MYH15: variants seen among roughly 807,000 people sequenced by gnomAD.
The protein encoded by MYH15 is myosin-15.
In MYH15, 227 loss-of-function variants were observed where a neutral mutation model predicts 240.5. The ratio of observed to expected loss-of-function variants is 0.94; its 90% CI spans 0.85 to 1.05. MYH15 has a LOEUF of 1.05. MYH15 is among the 50% of genes least tolerant of loss of function. The pLI is 0.00. For synonymous variants in MYH15, 785 were observed against 796.7 expected, an observed-to-expected ratio of 0.99 and a Z score of 0.25; for missense variants, 2,217 against 2,247.5, an observed-to-expected ratio of 0.99 and a Z score of 0.27.
At chr3:108,526,773 T>C (rs1371266780) in intron 1 of MYH15, among the ~76,000 whole-genome samples, 2 of 152,200 alleles carry the variant, frequency 1.3e-5, no homozygotes, top group East Asian at 1.9e-4. Flanking sequence ...ATCTGATCGA[T>C]GTTGCAAGCC....
In MYH15 at chr3:108,470,750, G is replaced by A. The variant is rs764834314; in HGVS notation, c.1331C>T (p.Ser444Leu). ...AAGAATGCCAATGAAGAACTGCCTTGACAGCTTGGCATCCAGGGCCCTGTT... is the reference window on the plus strand; with the variant it reads ...AAGAATGCCAATGAAGAACTGCCTTAACAGCTTGGCATCCAGGGCCCTGTT... ...RINRALDAKL[S>L]RQFFIGILDI... is the part of the protein sequence containing the mutation. Residue 444 changes from serine (S) to leucine (L), a missense_variant, in exon 13 of 41, where the codon TCA becomes TTA. Physicochemically the swap from Ser to Leu is moderately radical, Grantham distance 145. Transcript: ENST00000693548. 4.3e-6 allele frequency: 7 copies of A among 1,613,786 alleles called. No homozygotes were observed. The South Asian group carries it at 7.7e-5, about 18-fold the overall frequency.
chr3:108,504,654 T>C (rs2083461276), intron 2 of MYH15, among the ~76,000 whole-genome samples: 1 of 152,166 alleles, frequency 6.6e-6, no homozygotes, highest in Non-Finnish European at 1.5e-5. Context: ...GAATCATCTG[T>C]AAAATCTATA....
intron 26 of MYH15, among the ~76,000 whole-genome samples, chr3:108,429,424 G>A (rs2082757545): frequency 6.6e-6 from 1 of 152,108 alleles, no homozygotes; most frequent in Non-Finnish European, 1.5e-5. Flanking sequence ...GAGATTTCAA[G>A]GAAGAGATTT....
At chr3:108,499,527 T>G (rs1301615299) in intron 4 of MYH15, 45 bp from the exon 5 acceptor site, 1 of 1,582,292 alleles carries the variant, frequency 6.3e-7, no homozygotes, top group Non-Finnish European at 8.7e-7. Flanking sequence ...TATTCGATAT[T>G]TATGTATTAG....
chr3:108,476,524 C>T lies in MYH15; in HGVS notation c.1115-9G>A, dbSNP rs1325295062. The T allele has an allele frequency of 6.5e-6, 10 of 1,547,436 alleles. No individual in the cohort carries two copies. The highest frequency in any genetic ancestry group is 8.0e-6 in the Non-Finnish European group (9 of 1,119,842). ...AGCAGCTTTGTCAGCATCTGGTCAT[C>T]AGAAATAGAAGAAAAGGAAGGAGAG... On this transcript the variant is annotated splice_polypyrimidine_tract_variant and intron_variant, in intron 11 of 40. Coordinates refer to ENST00000693548, the MANE Select transcript of MYH15 (RefSeq NM_014981.3).
At chr3:108,500,852 A>T (rs1244906343) in intron 3 of MYH15, among the ~76,000 whole-genome samples, 1 of 152,210 alleles carries the variant, frequency 6.6e-6, no homozygotes, top group African/African-American at 2.4e-5. Context: ...TGTTCTTATA[A>T]GAGACACACA....
chr3:108,383,739 T>TAAAAA lies in MYH15; in HGVS notation c.5632-15_5632-11dup. 5 of 1,350,844 alleles carry TAAAAA rather than the reference T, an allele frequency of 3.7e-6. No homozygotes were observed. Among genetic ancestry groups the TAAAAA allele is most frequent in the South Asian group, 1.6e-5 (1 of 61,968 alleles). 83.7% of individuals were successfully genotyped at this position (1,350,844 alleles called of 1,614,324 possible). A position where few individuals can be genotyped will look rare whatever the true frequency, so the allele number is the denominator to read the frequency against. ...GATTGGCTTGTGTTTCCTATAAAAA[T>TAAAAA]AAAAAAAAAAAAAAAGAAATCTCCA... On this transcript the variant is annotated splice_polypyrimidine_tract_variant and intron_variant, in intron 39 of 40. Transcript: ENST00000693548.
intron 40 of MYH15, among the ~76,000 whole-genome samples, chr3:108,383,202 A>G (rs540028840): frequency 6.6e-6 from 1 of 152,212 alleles, no homozygotes; most frequent in African/African-American, 2.4e-5. Context: ...GATATGGTAC[A>G]AAGTCACGTA....
intron 25 of MYH15, among the ~76,000 whole-genome samples, chr3:108,431,231 A>G (rs1184299983): frequency 6.6e-6 from 1 of 152,228 alleles, no homozygotes; most frequent in Non-Finnish European, 1.5e-5. Flanking sequence ...TCTCATTTTA[A>G]AACTTCAATG....
At chr3:108,453,927 A>ACATTGC in intron 21 of MYH15, 79 bp downstream of exon 21, 1 of 1,434,078 alleles carries the variant, frequency 7.0e-7, no homozygotes, top group Non-Finnish European at 9.5e-7. Context: ...TTGACCTACT[A>ACATTGC]TAAGGCAATG....
At chr3:108,542,700 C>T in the MYH15 span, among the ~76,000 whole-genome samples, 3 of 152,058 alleles carry the variant, frequency 2.0e-5, no homozygotes, top group Non-Finnish European at 2.9e-5. Flanking sequence ...TGCTCTCTTG[C>T]CCCCCACTCC....
chr3:108,394,036 T>C lies in MYH15; in HGVS notation c.5254A>G (p.Ile1752Val), dbSNP rs773384843. ...TACGTGGTCAAGGGACCCACCTCAATGGCTGCCTTCTTGGCCTTCTCTTCT... is the reference window on the plus strand; with the variant it reads ...TACGTGGTCAAGGGACCCACCTCAACGGCTGCCTTCTTGGCCTTCTCTTCT... ...NAEEKAKKAA[I>V]EAANLSEELK... Residue 1752 changes from isoleucine (I) to valine (V), a missense_variant, in exon 36 of 41, where the codon ATT becomes GTT. By Grantham distance (29) the Ile-to-Val change is conservative. Coordinates refer to ENST00000693548, the MANE Select transcript of MYH15 (RefSeq NM_014981.3). 1.6e-5 allele frequency: 26 copies of C among 1,613,780 alleles called. No homozygotes were observed. Among genetic ancestry groups the C allele is most frequent in the African/African-American group, 2.7e-5 (2 of 74,938 alleles).
Position 108,459,342 on chromosome 3 carries a change from C to A in MYH15, c.2020+20G>T. The A allele has an allele frequency of 6.8e-7, 1 of 1,476,536 alleles. No homozygotes were observed. The highest frequency in any genetic ancestry group is 1.4e-5 in the African/African-American group (1 of 71,022). 91.5% of individuals were successfully genotyped at this position (1,476,536 alleles called of 1,614,324 possible). The stretch of plus-strand genomic sequence containing the variant: ...CAAATCTATTTCCTAGTGTGAATTA[C>A]AAAGAAATCTAGTTCTTACCTGGTA... On this transcript the variant is annotated intron_variant, in intron 18 of 40. Coordinates refer to ENST00000693548, the MANE Select transcript of MYH15 (RefSeq NM_014981.3).
chr3:108,423,135 C>T (rs1263054106), intron 27 of MYH15, among the ~76,000 whole-genome samples: 3 of 152,136 alleles, frequency 2.0e-5, no homozygotes, highest in Non-Finnish European at 2.9e-5. Flanking sequence ...GCTTGCCGCC[C>T]GCAGCTTGAA....
At chr3:108,541,854 T>C in the MYH15 span, among the ~76,000 whole-genome samples, 2 of 152,184 alleles carry the variant, frequency 1.3e-5, no homozygotes. Flanking sequence ...TGAAATGATT[T>C]CCTAAATATC....
chr3:108,409,991 G>A (rs1368764362), intron 31 of MYH15, among the ~76,000 whole-genome samples: 1 of 152,192 alleles, frequency 6.6e-6, no homozygotes, highest in African/African-American at 2.4e-5. Context: ...TGGGAAGGTT[G>A]CACAGCTCAG....
intron 18 of MYH15, 103 bp downstream of exon 18, chr3:108,459,259 C>G (rs948616719): frequency 8.3e-6 from 6 of 722,824 alleles, no homozygotes; most frequent in Middle Eastern, 4.0e-4. Flanking sequence ...GAAATTCTAC[C>G]CTTATATAAA....
intron 18 of MYH15, among the ~76,000 whole-genome samples, chr3:108,457,414 T>A (rs909551879): frequency 6.6e-6 from 1 of 152,326 alleles, no homozygotes; most frequent in South Asian, 2.1e-4. Flanking sequence ...CTTATTTTCA[T>A]GAGAGTGCCT....
At chr3:108,391,062 C>G (rs925482497) in intron 37 of MYH15, among the ~76,000 whole-genome samples, 3 of 152,056 alleles carry the variant, frequency 2.0e-5, no homozygotes, top group African/African-American at 7.2e-5. Flanking sequence ...TGGAGGTACC[C>G]GAAATGGACA....
Sources: allele counts gnomAD v4.1 joint callset (sites outside exome capture counted in the v4.1 genomes callset), GRCh38; gene constraint gnomAD v4.1.1; transcripts MANE v1.5; gene names NCBI Gene and HGNC (gene_info 2026-07-23, HGNC 2026-07-21).